Variants in ETHE1 observed in about 807,000 individuals in gnomAD.
The protein encoded by ETHE1 is ETHE1 persulfide dioxygenase, also known as persulfide dioxygenase ETHE1, mitochondrial.
Under a neutral mutation model 25.7 loss-of-function variants are expected in ETHE1, and 16 were observed. That is an observed-to-expected ratio of 0.62 (90% CI 0.42 to 0.95). The LOEUF is 0.95. ETHE1 is among the 40% of genes least tolerant of loss of function. ETHE1 has a pLI of 0.00. For synonymous variants in ETHE1, 139 were observed against 135.9 expected (o/e 1.02, Z -0.16); for missense variants, 300 against 333.6 (o/e 0.90, Z 0.79).
At chr19:43,508,347 T>TC (rs11419747) in intron 5 of ETHE1, among the ~76,000 whole-genome samples, 60 of 19,012 alleles carry the variant, frequency 3.2e-3, no homozygotes, top group Admixed American at 1.1e-3. Flanking sequence ...ACTTTATCTC[T>TC]TTTTTTTTTT....
intron 3 of ETHE1, among the ~76,000 whole-genome samples, chr19:43,513,880 C>T (rs758444993): frequency 1.3e-5 from 2 of 152,026 alleles, no homozygotes; most frequent in Non-Finnish European, 2.9e-5. Flanking sequence ...TGCCACCATG[C>T]CTGCCTAATT....
In ETHE1 at chr19:43,526,200, C is replaced by T. The variant is rs1417306550; in HGVS notation, c.375+1G>A. The T allele has an allele frequency of 6.2e-7, 1 of 1,613,956 alleles. No homozygotes were observed. Among genetic ancestry groups the T allele is most frequent in the African/African-American group, 1.3e-5 (1 of 74,906 alleles). ...TCTTGGGGACCCAGCACCCAACTCA[C>T]GAAGCGCCCGAAGCGGATGGAGTCT... is the stretch of plus-strand genomic sequence containing the variant. On this transcript the variant is annotated splice_donor_variant, in intron 3 of 6. Transcript: ENST00000292147. LOFTEE classifies it high-confidence loss of function.
intron 3 of ETHE1, among the ~76,000 whole-genome samples, chr19:43,516,539 A>T (rs573090487): frequency 6.6e-6 from 1 of 150,398 alleles, no homozygotes; most frequent in East Asian, 2.0e-4. Context: ...ACCTCAAATG[A>T]TCCGCCTGCC....
chr19:43,508,158 G>T, intron 5 of ETHE1, 98 bp from the exon 6 acceptor site: 1 of 1,560,426 alleles, frequency 6.4e-7, no homozygotes, highest in Middle Eastern at 2.2e-4. Flanking sequence ...TCTCTGGCAG[G>T]GGCTCTTCCC....
Position 43,512,797 on chromosome 19 carries a change from A to G in ETHE1, c.376-1231T>C, listed in dbSNP as rs114594287. Among the ~76,000 whole-genome samples the G allele has an allele frequency of 6.3e-3, 956 of 152,338 alleles. 13 individuals are homozygous for G. Among genetic ancestry groups the G allele is most frequent in the African/African-American group, 0.022 (906 of 41,584 alleles). ...ATTCAAGCCTGCTGCAGAAATTTGT[A>G]TAAGTAACGAGGAGCCAAATGTTAA... is the stretch of plus-strand genomic sequence containing the variant. On this transcript the variant is annotated intron_variant, in intron 3 of 6. Coordinates refer to ENST00000292147, the MANE Select transcript of ETHE1 (RefSeq NM_014297.5).
Position 43,518,897 on chromosome 19 carries a change from A to C in ETHE1, c.375+7304T>G, listed in dbSNP as rs536218645. On this transcript the variant is annotated intron_variant, in intron 3 of 6. Coordinates refer to ENST00000292147, the MANE Select transcript of ETHE1 (RefSeq NM_014297.5). The stretch of plus-strand genomic sequence containing the variant: ...ATTTTTGGACTTTTTGCCCATTTTC[A>C]CTCGCATTCCCCAAAAACATTTGGG... 1.6e-4 allele frequency among the ~76,000 whole-genome samples: 24 copies of C among 149,436 alleles called. No individual in the cohort carries two copies. The South Asian group carries it at 2.1e-3, about 13-fold the overall frequency.
intron 3 of ETHE1, among the ~76,000 whole-genome samples, chr19:43,519,952 G>C (rs928400840): frequency 6.6e-6 from 1 of 151,604 alleles, no homozygotes; most frequent in Non-Finnish European, 1.5e-5. Flanking sequence ...GATGGTGCAC[G>C]TCTGTAGGCC....
At chr19:43,526,037 T>G in intron 3 of ETHE1, 164 bp downstream of exon 3, 12 of 1,032,992 alleles carry the variant, frequency 1.2e-5, no homozygotes, top group Non-Finnish European at 1.4e-5. Flanking sequence ...CCCACCTGGG[T>G]TTATGGTGCC....
intron 3 of ETHE1, among the ~76,000 whole-genome samples, chr19:43,517,315 T>A (rs1296743632): frequency 1.4e-4 from 1 of 6,914 alleles, no homozygotes; most frequent in Non-Finnish European, 2.9e-4. Context: ...TAAGGTAAAG[T>A]AGGCTAACCT....
At chr19:43,507,646 TCAGAC>T in intron 6 of ETHE1, 1 of 212,216 alleles carries the variant, frequency 4.7e-6, no homozygotes, top group East Asian at 9.8e-5. Flanking sequence ...CCCTCCTCCC[TCAGAC>T]TCAGGAGCCC....
intron 6 of ETHE1, among the ~76,000 whole-genome samples, chr19:43,507,380 T>C (rs1354076218): frequency 9.4e-4 from 36 of 38,436 alleles, no homozygotes; most frequent in African/African-American, 3.3e-3. Context: ...GACCCAGGAG[T>C]CCAGGCCCCC....
chr19:43,513,810 T>G (rs999606846), intron 3 of ETHE1, among the ~76,000 whole-genome samples: 1 of 151,686 alleles, frequency 6.6e-6, no homozygotes, highest in Non-Finnish European at 1.5e-5. Context: ...CAACCTCTGC[T>G]TCCCAGGTTC....
rs374816177 is a variant in ETHE1, at chr19:43,506,879, G to A, written c.736C>T (p.Arg246Cys). ...GCAGTGGGTGTCTGCACCCCACAGC[G>A]CATGTTGGCTGGAACAGCAAAGTCT... ...QIDFAVPANM[R>C]CGVQTPTA Residue 246 changes from arginine to cysteine, a missense_variant, in exon 7 of 7, where the codon CGC becomes TGC. Coordinates refer to ENST00000292147, the MANE Select transcript of ETHE1 (RefSeq NM_014297.5). 104 of 1,613,612 alleles carry A rather than the reference G, an allele frequency of 6.4e-5. No homozygotes were observed. Among genetic ancestry groups the A allele is most frequent in the Non-Finnish European group, 8.1e-5 (96 of 1,179,894 alleles).
chr19:43,517,886 G>A (rs1207808899), intron 3 of ETHE1, among the ~76,000 whole-genome samples: 2 of 151,420 alleles, frequency 1.3e-5, no homozygotes, highest in Non-Finnish European at 2.9e-5. Context: ...GGAGGCAGAG[G>A]TTACAGTGAG....
chr19:43,509,082 G>A (rs535638805), intron 4 of ETHE1, among the ~76,000 whole-genome samples: 1 of 152,318 alleles, frequency 6.6e-6, no homozygotes, highest in Admixed American at 6.5e-5. Flanking sequence ...ATTCAGCATG[G>A]CTGTAAATAG....
chr19:43,510,132 A>C (rs904082858), intron 4 of ETHE1, among the ~76,000 whole-genome samples: 1 of 152,070 alleles, frequency 6.6e-6, no homozygotes, highest in African/African-American at 2.4e-5. Context: ...CTCTCCCCAC[A>C]AGACAGCTAA....
Position 43,527,115 on chromosome 19 carries a change from G to T in ETHE1, c.63C>A (p.Ala21=). ...CCCGCACCTGCCGCAGGAGGATGGG[G>T]GCTCCAGACCCGCCGCGCTGGCTCA... The part of the protein sequence containing the change: ...RQLSQRGGSG[A]PILLRQMFEP... Residue 21 remains alanine (A), a synonymous_variant, in exon 1 of 7, where the codon GCC becomes GCA. Coordinates refer to ENST00000292147, the MANE Select transcript of ETHE1 (RefSeq NM_014297.5). 2 of 1,557,524 alleles carry T rather than the reference G, an allele frequency of 1.3e-6. No homozygotes were observed. The highest frequency in any genetic ancestry group is 1.7e-6 in the Non-Finnish European group (2 of 1,154,402).
At chr19:43,525,040 G>A (rs1972211642) in intron 3 of ETHE1, among the ~76,000 whole-genome samples, 1 of 151,098 alleles carries the variant, frequency 6.6e-6, no homozygotes, top group South Asian at 2.1e-4. Context: ...CAGCTACCAG[G>A]GAGGCTAAGG....
intron 4 of ETHE1, among the ~76,000 whole-genome samples, chr19:43,510,637 GTT>G (rs55975705): frequency 0.69 from 99,087 of 143,758 alleles, 33,827 homozygotes; most frequent in African/African-American, 0.78. Flanking sequence ...CCAGCCCTTT[GTT>G]TTTTTTTTTT....
Sources: gnomAD v4.1 joint callset for allele counts (sites outside exome capture counted in the v4.1 genomes callset) on GRCh38, gnomAD v4.1.1 for gene constraint, MANE v1.5 for transcripts, NCBI Gene and HGNC (gene_info 2026-07-23, HGNC 2026-07-21) for gene names.